Variants in SLC44A1 observed in about 807,000 individuals in gnomAD.
SLC44A1 encodes the protein choline transporter-like protein 1.
A neutral mutation model predicts 79.3 loss-of-function variants in SLC44A1; 26 were observed. The ratio of observed to expected loss-of-function variants is 0.33; its 90% confidence interval spans 0.24 to 0.46. The LOEUF (loss-of-function observed/expected upper bound fraction) is 0.46, where lower values mean the gene tolerates loss of function less well. Ranked by LOEUF, SLC44A1 falls within the 20% of genes least tolerant of loss-of-function variation. SLC44A1 has a pLI of 1.00. For missense variants in SLC44A1, 688 were observed against 798.1 expected (o/e 0.86, Z 1.66); for synonymous variants, 263 against 286.2 (o/e 0.92, Z 0.82).
In SLC44A1 at chr9:105,393,316, A is replaced by G. The variant is rs1045339473; in HGVS notation, c.*4260A>G. ...GGAATTAACTCATCTTTGTTAACTT[A>G]GTGGCACATAGTCCAAATTTTTAAA... On this transcript the variant is annotated 3_prime_UTR_variant, in exon 16 of 16. Transcript: ENST00000374720. 1 of 985,318 alleles carries G rather than the reference A, an allele frequency of 1.0e-6. No individual in the cohort carries two copies. Among genetic ancestry groups the G allele is most frequent in the Non-Finnish European group, 1.2e-6 (1 of 829,922 alleles). The allele number at this position is 985,318 out of a possible 1,614,324, so 61.0% of individuals were successfully genotyped here. A position where few individuals can be genotyped will look rare whatever the true frequency, so the allele number is the denominator to read the frequency against.
rs572524548 is a variant in SLC44A1 at position 105,367,233 on chromosome 9, A to C, written c.1494+804A>C. Among the ~76,000 whole-genome samples the C allele has an allele frequency of 7.8e-4, 118 of 152,198 alleles. 1 individual carries two copies. Among genetic ancestry groups the C allele is most frequent in the Middle Eastern group, 3.4e-3 (1 of 294 alleles). On this transcript the variant is annotated intron_variant, in intron 12 of 15. Coordinates refer to ENST00000374720, the MANE Select transcript of SLC44A1 (RefSeq NM_080546.5). The stretch of plus-strand genomic sequence containing the variant: ...CAGAGATAAAATTGACTTTCTCACC[A>C]TTTACTGCTAAGTGATTGAAGAGTA...
intron 1 of SLC44A1, among the ~76,000 whole-genome samples, chr9:105,293,699 C>T (rs956269475): frequency 1.3e-5 from 2 of 152,178 alleles, no homozygotes; most frequent in African/African-American, 4.8e-5. Context: ...ATATCACTTA[C>T]CAAAACCTCT....
chr9:105,391,666 C>G lies in SLC44A1; in HGVS notation c.*2610C>G. On this transcript the variant is annotated 3_prime_UTR_variant, in exon 16 of 16. Transcript: ENST00000374720. ...TTATGTTTGGATATTCCTGCTGCCT[C>G]TTTTCATTCATTTCAAGTCATTCTT... is the stretch of plus-strand genomic sequence containing the variant. 1.0e-6 allele frequency: 1 copy of G among 985,338 alleles called. No individual in the cohort carries two copies. The highest frequency in any genetic ancestry group is 1.7e-5 in the African/African-American group (1 of 57,334). The allele number at this position is 985,338 out of a possible 1,614,324, so 61.0% of individuals were successfully genotyped here.
chr9:105,351,566 GAGAAAGAGAGAAAGAGAGAA>G (rs1564452556), intron 5 of SLC44A1, among the ~76,000 whole-genome samples: 1,386 of 113,484 alleles, frequency 0.012, 30 homozygotes, highest in African/African-American at 0.048. Context: ...GAGAGAAAGA[GAGAAAGAGAGAAAGAGAGAA>G]AGAGAGAAAG....
chr9:105,286,795 C>A (rs1200788904), intron 1 of SLC44A1, among the ~76,000 whole-genome samples: 1 of 152,022 alleles, frequency 6.6e-6, no homozygotes, highest in African/African-American at 2.4e-5. Flanking sequence ...GAGACCCCAT[C>A]TCTACAAAAA....
chr9:105,387,217 T>C (rs1828658424), intron 15 of SLC44A1, among the ~76,000 whole-genome samples: 1 of 151,478 alleles, frequency 6.6e-6, no homozygotes, highest in African/African-American at 2.4e-5. Flanking sequence ...TATAAAACCT[T>C]TCCTCTGTAA....
intron 3 of SLC44A1, among the ~76,000 whole-genome samples, chr9:105,318,687 C>G (rs1826282731): frequency 6.6e-6 from 1 of 151,894 alleles, no homozygotes; most frequent in African/African-American, 2.4e-5. Context: ...ATAATACTTG[C>G]TGTGGAAAAT....
chr9:105,270,070 T>C (rs79632593), intron 1 of SLC44A1, among the ~76,000 whole-genome samples: 2,364 of 152,286 alleles, frequency 0.016, 64 homozygotes, highest in African/African-American at 0.053. Context: ...TAAAATTTAT[T>C]GAAAAAAATA....
chr9:105,273,480 T>G (rs554363984), intron 1 of SLC44A1, among the ~76,000 whole-genome samples: 27 of 152,334 alleles, frequency 1.8e-4, no homozygotes, highest in African/African-American at 6.3e-4. Flanking sequence ...TATTTTTCCT[T>G]TTTTGCTTTT....
intron 13 of SLC44A1, among the ~76,000 whole-genome samples, chr9:105,380,348 AT>A (rs1036020116): frequency 6.6e-6 from 1 of 150,644 alleles, no homozygotes; most frequent in African/African-American, 2.4e-5. Context: ...AGGAACGTCT[AT>A]TTTTTTTTCT....
chr9:105,285,564 C>T (rs770004934), intron 1 of SLC44A1, among the ~76,000 whole-genome samples: 5 of 152,044 alleles, frequency 3.3e-5, no homozygotes, highest in Non-Finnish European at 7.4e-5. Context: ...GGGCTGAGTC[C>T]GAAAAGAGTC....
rs1828789664 is a variant in SLC44A1, at chr9:105,392,542, G to GT, written c.*3486_*3487insT. 2 of 984,912 alleles carry GT rather than the reference G, an allele frequency of 2.0e-6. No homozygotes were observed. Among genetic ancestry groups the GT allele is most frequent in the Non-Finnish European group, 2.4e-6 (2 of 829,820 alleles). The allele number at this position is 984,912 out of a possible 1,614,324, so 61.0% of individuals were successfully genotyped here. On this transcript the variant is annotated 3_prime_UTR_variant, in exon 16 of 16. Transcript: ENST00000374720. ...GCAGTTTTAGGATTTCACCCTAGTAGGGGGTATGAGGCACTGACCCCTTTA... is the reference window on the plus strand; with the variant it reads ...GCAGTTTTAGGATTTCACCCTAGTAGTGGGGTATGAGGCACTGACCCCTTTA...
chr9:105,257,440 A>G (rs1346671393), intron 1 of SLC44A1, among the ~76,000 whole-genome samples: 2 of 152,108 alleles, frequency 1.3e-5, no homozygotes, highest in Admixed American at 1.3e-4. Flanking sequence ...TATGTTGCCC[A>G]GGCTGGCCTC....
At chr9:105,317,415 A>AT (rs1167572578) in intron 3 of SLC44A1, among the ~76,000 whole-genome samples, 4 of 151,954 alleles carry the variant, frequency 2.6e-5, no homozygotes, top group African/African-American at 9.7e-5. Flanking sequence ...CTTTGAAAAT[A>AT]TTTTTTGTCA....
chr9:105,317,718 GCTCCTGACTCTATCTTGTA>G (rs1422847129), intron 3 of SLC44A1, among the ~76,000 whole-genome samples: 2 of 152,164 alleles, frequency 1.3e-5, no homozygotes, highest in Non-Finnish European at 2.9e-5. Flanking sequence ...ACAGGAAGGT[GCTCCTGACTCTATCTTGTA>G]CTCCTGACTC....
intron 3 of SLC44A1, among the ~76,000 whole-genome samples, chr9:105,325,436 AT>A (rs1826542709): frequency 6.6e-6 from 1 of 152,212 alleles, no homozygotes; most frequent in African/African-American, 2.4e-5. Flanking sequence ...AAAGGAATGT[AT>A]TTCTTATAAT....
At chr9:105,372,102 T>C (rs1476387240) in intron 12 of SLC44A1, among the ~76,000 whole-genome samples, 4 of 152,170 alleles carry the variant, frequency 2.6e-5, no homozygotes, top group African/African-American at 9.7e-5. Context: ...GATGACAATA[T>C]AAGGGAGCAA....
At chr9:105,314,562 A>G (rs1422875917) in intron 3 of SLC44A1, among the ~76,000 whole-genome samples, 1 of 152,148 alleles carries the variant, frequency 6.6e-6, no homozygotes, top group Admixed American at 6.5e-5. Flanking sequence ...GCACAAATCT[A>G]ATTTTCTTTT....
chr9:105,299,630 C>A, intron 2 of SLC44A1: 1 of 306,880 alleles, frequency 3.3e-6, no homozygotes, highest in Non-Finnish European at 5.1e-6. Flanking sequence ...GTCACACCAA[C>A]TTGTTGGTTA....
Sources: allele counts gnomAD v4.1 joint callset (sites outside exome capture counted in the v4.1 genomes callset), GRCh38; gene constraint gnomAD v4.1.1; transcripts MANE v1.5; gene names NCBI Gene and HGNC (gene_info 2026-07-23, HGNC 2026-07-21).